The following SGCZ variants were observed in gnomAD, a reference collection of about 807,000 sequenced individuals.
The protein encoded by SGCZ is zeta-sarcoglycan.
Under a neutral mutation model 41.3 loss-of-function variants are expected in SGCZ, and 40 were observed. That is an observed-to-expected ratio of 0.97 (90% CI 0.75 to 1.26). The LOEUF is 1.26. SGCZ is among the 50% of genes most tolerant of loss of function. The probability of loss-of-function intolerance (pLI) is 0.00; values close to 1 mark genes in which losing one functional copy is unlikely to be tolerated. For synonymous variants in SGCZ, 206 were observed against 137.5 expected (o/e 1.50, Z -3.49); for missense variants, 552 against 369.8 (o/e 1.49, Z -4.04).
At chr8:14,507,721 G>C (rs1802345165) in intron 2 of SGCZ, among the ~76,000 whole-genome samples, 1 of 151,112 alleles carries the variant, frequency 6.6e-6, no homozygotes, top group Non-Finnish European at 1.5e-5. Context: ...ACTTCTTTTA[G>C]GTTTTAATTT....
intron 1 of SGCZ, among the ~76,000 whole-genome samples, chr8:14,588,297 C>A (rs1004357537): frequency 1.3e-5 from 2 of 151,430 alleles, no homozygotes; most frequent in African/African-American, 2.4e-5. Flanking sequence ...AAATGGTATA[C>A]TTGATTTAAT....
chr8:14,109,360 G>A (rs1363816664), intron 5 of SGCZ, among the ~76,000 whole-genome samples: 1 of 151,890 alleles, frequency 6.6e-6, no homozygotes, highest in Non-Finnish European at 1.5e-5. Flanking sequence ...CCAAAATCAA[G>A]TGGGAAAAAA....
intron 1 of SGCZ, among the ~76,000 whole-genome samples, chr8:14,857,275 T>C (rs1803573760): frequency 6.6e-6 from 1 of 152,122 alleles, no homozygotes; most frequent in South Asian, 2.1e-4. Flanking sequence ...GTACTGAACC[T>C]CACTTAAACC....
At chr8:14,976,739 C>A (rs1042498587) in intron 1 of SGCZ, among the ~76,000 whole-genome samples, 4 of 152,140 alleles carry the variant, frequency 2.6e-5, no homozygotes, top group African/African-American at 7.2e-5. Flanking sequence ...CCATCCCACA[C>A]CGGTGTTAAT....
intron 2 of SGCZ, among the ~76,000 whole-genome samples, chr8:14,426,480 G>C (rs1206582796): frequency 6.6e-6 from 1 of 151,898 alleles, no homozygotes; most frequent in African/African-American, 2.4e-5. Flanking sequence ...GAAGCAGAGA[G>C]GCAGAGAACT....
chr8:14,142,837 T>G (rs1157227172), intron 5 of SGCZ, among the ~76,000 whole-genome samples: 1 of 152,026 alleles, frequency 6.6e-6, no homozygotes, highest in East Asian at 1.9e-4. Context: ...ACCTCTCCCC[T>G]TGCTCTCTTC....
chr8:15,031,230 A>T (rs1261122249), intron 1 of SGCZ, among the ~76,000 whole-genome samples: 1 of 152,120 alleles, frequency 6.6e-6, no homozygotes, highest in Non-Finnish European at 1.5e-5. Context: ...GGATGGCAGA[A>T]TAGGTTTATT....
At chr8:14,171,149 TA>T (rs3068453) in intron 4 of SGCZ, among the ~76,000 whole-genome samples, 54,882 of 139,836 alleles carry the variant, frequency 0.39, 11,454 homozygotes, top group East Asian at 0.7. Flanking sequence ...TGTGTTTCAT[TA>T]AAAAAAAAAA....
chr8:14,983,901 G>C (rs190508755), intron 1 of SGCZ, among the ~76,000 whole-genome samples: 291 of 152,182 alleles, frequency 1.9e-3, no homozygotes, highest in African/African-American at 6.4e-3. Flanking sequence ...ATACAATTAT[G>C]TTTTATTATA....
intron 4 of SGCZ, among the ~76,000 whole-genome samples, chr8:14,232,999 A>C (rs1806626070): frequency 6.6e-6 from 1 of 152,086 alleles, no homozygotes; most frequent in Non-Finnish European, 1.5e-5. Flanking sequence ...CTTGTTTATG[A>C]CATAGGGCCC....
chr8:14,975,568 C>T (rs992693711), intron 1 of SGCZ, among the ~76,000 whole-genome samples: 1 of 151,974 alleles, frequency 6.6e-6, no homozygotes, highest in African/African-American at 2.4e-5. Flanking sequence ...TGGATTGTAT[C>T]TTAACACGGG....
chr8:14,662,949 A>T (rs569610669), intron 1 of SGCZ, among the ~76,000 whole-genome samples: 1 of 152,290 alleles, frequency 6.6e-6, no homozygotes, highest in African/African-American at 2.4e-5. Context: ...ACAGCCAGCA[A>T]GAAAACCGGA....
chr8:14,221,024 G>T (rs189994174), intron 4 of SGCZ, among the ~76,000 whole-genome samples: 5 of 148,172 alleles, frequency 3.4e-5, no homozygotes, highest in Non-Finnish European at 7.4e-5. Context: ...AAAAAAAATA[G>T]AATTTCATGG....
intron 1 of SGCZ, among the ~76,000 whole-genome samples, chr8:14,870,264 C>G (rs1430655186): frequency 2.6e-5 from 4 of 152,024 alleles, no homozygotes; most frequent in African/African-American, 9.7e-5. Context: ...TCAGAAATAC[C>G]ACACATCTAC....
chr8:14,654,738 AT>A lies in SGCZ; in HGVS notation c.40-99813del, dbSNP rs143183510. Among the ~76,000 whole-genome samples, 1,288 of 146,110 alleles carry A rather than the reference AT, an allele frequency of 8.8e-3. 9 individuals carry two copies. The highest frequency in any genetic ancestry group is 0.022 in the African/African-American group (858 of 39,860). ...AGGCACGCACCGCCATGCCCAGCTA[AT>A]TTTTTTTTTTTTTGTATTTTGAAAT... On this transcript the variant is annotated intron_variant, in intron 1 of 7. Coordinates refer to ENST00000382080, the MANE Select transcript of SGCZ (RefSeq NM_139167.4).
chr8:14,225,239 G>A (rs946868036), intron 4 of SGCZ, among the ~76,000 whole-genome samples: 7 of 152,056 alleles, frequency 4.6e-5, no homozygotes, highest in African/African-American at 1.7e-4. Flanking sequence ...TAGCAGAGGT[G>A]ACCTATTTAA....
At chr8:14,838,064 T>C (rs1158114101) in intron 1 of SGCZ, among the ~76,000 whole-genome samples, 2 of 152,178 alleles carry the variant, frequency 1.3e-5, no homozygotes, top group African/African-American at 4.8e-5. Context: ...ATGGAGTACA[T>C]TGTATTAAGT....
At chr8:14,814,167 A>G (rs562297231) in intron 1 of SGCZ, among the ~76,000 whole-genome samples, 9 of 152,330 alleles carry the variant, frequency 5.9e-5, no homozygotes, top group African/African-American at 2.2e-4. Flanking sequence ...AATAAGTTAC[A>G]GAATAGAATA....
intron 5 of SGCZ, among the ~76,000 whole-genome samples, chr8:14,123,974 T>G (rs555882255): frequency 7.9e-5 from 12 of 152,202 alleles, no homozygotes; most frequent in African/African-American, 2.9e-4. Flanking sequence ...GTTGTTAACT[T>G]TGAAGATAGA....
Sources: allele counts gnomAD v4.1 joint callset (sites outside exome capture counted in the v4.1 genomes callset), GRCh38; gene constraint gnomAD v4.1.1; transcripts MANE v1.5; gene names NCBI Gene and HGNC (gene_info 2026-07-23, HGNC 2026-07-21).